Variants in NFATC2 observed in about 807,000 individuals in gnomAD.
The protein encoded by NFATC2 is nuclear factor of activated T-cells, cytoplasmic 2.
NFATC2 carries 22 observed loss-of-function variants against 87.3 expected under a neutral mutation model. The ratio of observed to expected loss-of-function variants is 0.25; its 90% confidence interval spans 0.18 to 0.36. The LOEUF is 0.36. NFATC2 is among the 10% of genes least tolerant of loss of function. The probability of loss-of-function intolerance (pLI) is 1.00; values close to 1 mark genes in which losing one functional copy is unlikely to be tolerated. For missense variants in NFATC2, 1,149 were observed against 1,259.1 expected (o/e 0.91, Z 1.32); for synonymous variants, 565 against 542.2 (o/e 1.04, Z -0.58).
chr20:51,449,089 G>T (rs779233854), intron 6 of NFATC2, among the ~76,000 whole-genome samples: 3 of 152,060 alleles, frequency 2.0e-5, no homozygotes, highest in Admixed American at 2.0e-4. Flanking sequence ...GACCAAACTC[G>T]GGGCTAAGAT....
At chr20:51,455,283 T>C (rs1191354066) in intron 5 of NFATC2, among the ~76,000 whole-genome samples, 3 of 152,204 alleles carry the variant, frequency 2.0e-5, no homozygotes, top group Admixed American at 2.0e-4. Flanking sequence ...GCCACACTTC[T>C]AGAACATTCT....
At position 51,523,107 on chromosome 20, in the gene NFATC2, C is replaced by A. The variant is rs755934609; in HGVS notation, c.1134G>T (p.Pro378=). The change falls in exon 2 of 11, where the codon CCG becomes CCT. Residue 378 remains proline, a synonymous_variant. Coordinates refer to ENST00000371564, the MANE Select transcript of NFATC2 (RefSeq NM_012340.5). This position sits in a 1 kb window ranked among gnomAD's most constrained non-coding sequence, Gnocchi z 6.9. ...ILLVPPTWPK[P]LVPAIPICSI... is the part of the protein sequence containing the mutation. ...TGCAGATGGGAATGGCAGGCACCAG[C>A]GGCTTGGGCCAAGTGGGCGGAACCA... 2.2e-5 allele frequency: 36 copies of A among 1,614,138 alleles called. No homozygotes were observed. The highest frequency in any genetic ancestry group is 9.3e-5 in the African/African-American group (7 of 74,964).
At chr20:51,402,040 G>A (rs1243680192) in intron 9 of NFATC2, among the ~76,000 whole-genome samples, 2 of 152,204 alleles carry the variant, frequency 1.3e-5, no homozygotes, top group African/African-American at 2.4e-5. Context: ...TCTAAGGGAC[G>A]TCCAGTTTTG....
chr20:51,497,223 G>A (rs1219463558), intron 3 of NFATC2, among the ~76,000 whole-genome samples: 1 of 152,200 alleles, frequency 6.6e-6, no homozygotes, highest in South Asian at 2.1e-4. Flanking sequence ...GGCAAGCGCA[G>A]CAATGTGTCT....
chr20:51,487,416 G>A (rs1419213312), intron 3 of NFATC2, among the ~76,000 whole-genome samples: 2 of 152,202 alleles, frequency 1.3e-5, no homozygotes, highest in Non-Finnish European at 2.9e-5. Context: ...GTTGACAGGT[G>A]CAGCAAACCA....
chr20:51,490,160 G>C (rs562324815), intron 3 of NFATC2, among the ~76,000 whole-genome samples: 1 of 152,130 alleles, frequency 6.6e-6, no homozygotes, highest in Admixed American at 6.6e-5. Flanking sequence ...AATGTATTGC[G>C]TGCTTGCTAA....
intron 1 of NFATC2, 93 bp downstream of exon 1, chr20:51,542,277 G>A: frequency 1.4e-6 from 2 of 1,453,666 alleles, no homozygotes; most frequent in Non-Finnish European, 1.8e-6. Flanking sequence ...TTAGGAAGGG[G>A]GACGGCTGGA....
intron 1 of NFATC2, among the ~76,000 whole-genome samples, chr20:51,540,200 T>C (rs1301027733): frequency 6.6e-6 from 1 of 151,958 alleles, no homozygotes; most frequent in Non-Finnish European, 1.5e-5. Context: ...TTTAGTAGAG[T>C]TGGGGTTTCA....
At chr20:51,486,609 A>G (rs1474634125) in intron 3 of NFATC2, among the ~76,000 whole-genome samples, 1 of 112,718 alleles carries the variant, frequency 8.9e-6, no homozygotes, top group Non-Finnish European at 1.7e-5. Context: ...GCCCCACTAG[A>G]ATGTAAGCTT....
chr20:51,435,612 G>T, intron 7 of NFATC2, 94 bp downstream of exon 7: 1 of 1,347,886 alleles, frequency 7.4e-7, no homozygotes, highest in Non-Finnish European at 1.0e-6. Context: ...AGCTCTGGGG[G>T]ACACTGATGA....
chr20:51,491,175 A>G (rs566807984), intron 3 of NFATC2, among the ~76,000 whole-genome samples: 20 of 152,302 alleles, frequency 1.3e-4, no homozygotes, highest in Admixed American at 5.9e-4. Flanking sequence ...TCCTGGCTCC[A>G]GGGCACAAAT....
In NFATC2 at chr20:51,423,157, G is replaced by A. The variant is rs1480623788; in HGVS notation, c.2722+8910C>T. ...ATAAAAAGTTGAGCCAGGCATGGTG[G>A]CATGTGCCTATAGTCCCAGCTACTG... On this transcript the variant is annotated intron_variant, in intron 9 of 10. Transcript: ENST00000371564. Among the ~76,000 whole-genome samples the A allele has an allele frequency of 2.0e-5, 3 of 152,106 alleles. No individual in the cohort carries two copies. The East Asian group carries it at 5.8e-4, about 29-fold the overall frequency.
In NFATC2 at chr20:51,413,475, G is replaced by A. The variant is rs143850951; in HGVS notation, c.2723-14745C>T. Among the ~76,000 whole-genome samples, 12 of 152,306 alleles carry A rather than the reference G, an allele frequency of 7.9e-5. No individual in the cohort carries two copies. In the East Asian group the frequency reaches 2.3e-3, roughly 29 times the overall value. ...GCATCTTTTTTCAAAAAAACCTAAA[G>A]AGGCGGGGTGTGGCAGCTCATACTG... is the stretch of plus-strand genomic sequence containing the variant. On this transcript the variant is annotated intron_variant, in intron 9 of 10. Transcript: ENST00000371564.
At chr20:51,517,912 C>A (rs200977628) in intron 2 of NFATC2, among the ~76,000 whole-genome samples, 223 of 139,012 alleles carry the variant, frequency 1.6e-3, no homozygotes, top group Non-Finnish European at 1.9e-3. Flanking sequence ...GAGACTGTCT[C>A]AAAAAAAAAA....
At chr20:51,503,937 G>A (rs1046441986) in intron 3 of NFATC2, among the ~76,000 whole-genome samples, 4 of 152,132 alleles carry the variant, frequency 2.6e-5, no homozygotes, top group African/African-American at 9.7e-5. Flanking sequence ...TCTGCCTCTC[G>A]GGTCCAAGCA....
chr20:51,511,188 C>T (rs2076266075), intron 3 of NFATC2, among the ~76,000 whole-genome samples: 1 of 152,220 alleles, frequency 6.6e-6, no homozygotes, highest in Non-Finnish European at 1.5e-5. Flanking sequence ...TGCCCTACTC[C>T]CCACCACCCC....
chr20:51,397,970 G>A (rs1020293871), intron 10 of NFATC2, among the ~76,000 whole-genome samples: 1 of 152,164 alleles, frequency 6.6e-6, no homozygotes, highest in African/African-American at 2.4e-5. Flanking sequence ...CCTGAAACCT[G>A]CACGATAAGG....
chr20:51,523,593 G>C lies in NFATC2; in HGVS notation c.648C>G (p.Thr216=). The C allele has an allele frequency of 1.2e-6, 2 of 1,613,930 alleles. No individual in the cohort carries two copies. The highest frequency in any genetic ancestry group is 4.5e-5 in the East Asian group (2 of 44,864). ...QNIPAHYSPR[T]SPIMSPRTSL... ...TGGTTCGAGGTGACATTATTGGCGA[G>C]GTTCTGGGGGAATAATGAGCAGGGA... Residue 216 remains threonine (T), a synonymous_variant, in exon 2 of 11, where the codon ACC becomes ACG. Coordinates refer to ENST00000371564, the MANE Select transcript of NFATC2 (RefSeq NM_012340.5). This position sits in a 1 kb window ranked among gnomAD's most constrained non-coding sequence, Gnocchi z 6.9.
chr20:51,487,538 A>G (rs1989816881), intron 3 of NFATC2, among the ~76,000 whole-genome samples: 4 of 152,250 alleles, frequency 2.6e-5, no homozygotes, highest in Admixed American at 2.6e-4. Context: ...ACTGCAGTTC[A>G]GCTTTGAAAA....
Sources: allele counts gnomAD v4.1 joint callset (sites outside exome capture counted in the v4.1 genomes callset), GRCh38; gene constraint gnomAD v4.1.1; non-coding constraint Gnocchi (gnomAD v3.1); transcripts MANE v1.5; gene names NCBI Gene and HGNC (gene_info 2026-07-23, HGNC 2026-07-21).